SHC3: variants seen among roughly 807,000 people sequenced by gnomAD.
The protein encoded by SHC3 is SHC-transforming protein 3.
A neutral mutation model predicts 60.4 loss-of-function variants in SHC3; 15 were observed. That is an observed-to-expected ratio of 0.25 (90% CI 0.17 to 0.38). The LOEUF (loss-of-function observed/expected upper bound fraction) is 0.38, where lower values mean the gene tolerates loss of function less well. Among genes scored for constraint, SHC3 ranks in the 10% least tolerant of loss-of-function variants. The probability of loss-of-function intolerance (pLI) is 1.00; values close to 1 mark genes in which losing one functional copy is unlikely to be tolerated. For missense variants in SHC3, 677 were observed against 786.1 expected (o/e 0.86, Z 1.66); for synonymous variants, 294 against 325.9 (o/e 0.90, Z 1.05).
At chr9:89,078,785 C>A (rs1825401707) in intron 2 of SHC3, among the ~76,000 whole-genome samples, 1 of 152,126 alleles carries the variant, frequency 6.6e-6, no homozygotes, top group African/African-American at 2.4e-5. Flanking sequence ...CAGAAAGGAG[C>A]TGGTGACCCT....
chr9:89,084,386 G>C (rs1479724228), intron 2 of SHC3, among the ~76,000 whole-genome samples: 3 of 152,158 alleles, frequency 2.0e-5, no homozygotes, highest in Admixed American at 2.0e-4. Context: ...CCCAAATAAT[G>C]AAACTAGAAA....
intron 1 of SHC3, among the ~76,000 whole-genome samples, chr9:89,121,410 G>A (rs1225168657): frequency 2.0e-5 from 3 of 151,960 alleles, no homozygotes; most frequent in Non-Finnish European, 4.4e-5. Flanking sequence ...CCTGCCTCAG[G>A]CTCCCGAGTA....
intron 1 of SHC3, among the ~76,000 whole-genome samples, chr9:89,155,176 G>A (rs1826604751): frequency 6.6e-6 from 1 of 152,192 alleles, no homozygotes; most frequent in African/African-American, 2.4e-5. Context: ...GGTTCTCAGT[G>A]CTGTTTCTGG....
intron 10 of SHC3, among the ~76,000 whole-genome samples, chr9:89,041,533 G>A (rs1824686873): frequency 6.6e-6 from 1 of 152,198 alleles, no homozygotes; most frequent in Admixed American, 6.5e-5. Context: ...AGAAAAAAAT[G>A]AGAGCACAAG....
At chr9:89,086,352 C>A (rs886702145) in intron 2 of SHC3, among the ~76,000 whole-genome samples, 2 of 152,184 alleles carry the variant, frequency 1.3e-5, no homozygotes, top group Non-Finnish European at 2.9e-5. Context: ...CCACCACCCC[C>A]AGCTTGGGTT....
intron 11 of SHC3, among the ~76,000 whole-genome samples, chr9:89,027,880 G>A (rs1826347361): frequency 6.6e-6 from 1 of 152,120 alleles, no homozygotes; most frequent in South Asian, 2.1e-4. Context: ...TGCAACAGTG[G>A]GAAGGAGGGC....
chr9:89,072,013 G>A (rs1474287446), intron 4 of SHC3, among the ~76,000 whole-genome samples: 1 of 152,156 alleles, frequency 6.6e-6, no homozygotes, highest in Non-Finnish European at 1.5e-5. Context: ...TTCTCTTGAT[G>A]CTAAATGTTA....
At chr9:89,063,785 GGTT>G (rs1340275529) in intron 6 of SHC3, among the ~76,000 whole-genome samples, 1 of 152,214 alleles carries the variant, frequency 6.6e-6, no homozygotes, top group Non-Finnish European at 1.5e-5. Flanking sequence ...ATAATAAAAT[GGTT>G]GTTGTTAAGC....
chr9:89,054,277 G>A (rs1465551363), intron 6 of SHC3, among the ~76,000 whole-genome samples: 3 of 152,154 alleles, frequency 2.0e-5, no homozygotes, highest in Middle Eastern at 3.2e-3. Flanking sequence ...TGACTAACTC[G>A]GGGGCAGGCC....
chr9:89,167,062 C>T (rs1826800010), intron 1 of SHC3, among the ~76,000 whole-genome samples: 1 of 152,002 alleles, frequency 6.6e-6, no homozygotes, highest in East Asian at 1.9e-4. Flanking sequence ...ACTTTTTTGT[C>T]CTGAGAGCCA....
At chr9:89,102,885 A>G (rs1248971234) in intron 2 of SHC3, among the ~76,000 whole-genome samples, 2 of 152,218 alleles carry the variant, frequency 1.3e-5, no homozygotes, top group Non-Finnish European at 2.9e-5. Context: ...TATGATGTGC[A>G]ATGAAATCAA....
chr9:89,153,577 G>A (rs1826576811), intron 1 of SHC3, among the ~76,000 whole-genome samples: 1 of 152,234 alleles, frequency 6.6e-6, no homozygotes, highest in South Asian at 2.1e-4. Context: ...GTAAAGCTGA[G>A]AACCCTCATT....
intron 1 of SHC3, among the ~76,000 whole-genome samples, chr9:89,131,819 A>G (rs1826249494): frequency 6.6e-6 from 1 of 152,128 alleles, no homozygotes; most frequent in African/African-American, 2.4e-5. Context: ...ATAGGCAAAA[A>G]CTGGAAGCAT....
intron 2 of SHC3, among the ~76,000 whole-genome samples, chr9:89,100,856 T>C (rs188158435): frequency 1.4e-3 from 208 of 152,338 alleles, no homozygotes; most frequent in African/African-American, 3.8e-3. Flanking sequence ...TCTGTTCTTA[T>C]GCTGATTCTA....
chr9:89,086,381 G>A (rs139878890), intron 2 of SHC3, among the ~76,000 whole-genome samples: 218 of 152,300 alleles, frequency 1.4e-3, no homozygotes, highest in African/African-American at 4.9e-3. Flanking sequence ...TTGCGAGAAC[G>A]GCTCACAGAA....
At chr9:89,162,186 C>T (rs1333829781) in intron 1 of SHC3, among the ~76,000 whole-genome samples, 1 of 145,388 alleles carries the variant, frequency 6.9e-6, no homozygotes, top group Non-Finnish European at 1.5e-5. Flanking sequence ...TTTACAGATT[C>T]AATGCCATCC....
intron 3 of SHC3, 61 bp downstream of exon 3, chr9:89,077,779 G>A (rs577120507): frequency 2.8e-5 from 44 of 1,581,736 alleles, no homozygotes; most frequent in South Asian, 1.9e-4. Context: ...TGAAGATACC[G>A]AGTGGCAAAA....
chr9:89,177,133 C>G (rs907322930), intron 1 of SHC3, among the ~76,000 whole-genome samples: 11 of 152,168 alleles, frequency 7.2e-5, no homozygotes, highest in African/African-American at 2.4e-4. Flanking sequence ...AGCTGCCCAA[C>G]CGGCAGAAGG....
chr9:89,087,687 T>C lies in SHC3; in HGVS notation c.546-9784A>G, dbSNP rs140521509. Among the ~76,000 whole-genome samples the C allele has an allele frequency of 6.2e-3, 938 of 152,322 alleles. 9 individuals carry two copies. Among genetic ancestry groups the C allele is most frequent in the African/African-American group, 0.021 (881 of 41,570 alleles). On this transcript the variant is annotated intron_variant, in intron 2 of 11. Coordinates refer to ENST00000375835, the MANE Select transcript of SHC3 (RefSeq NM_016848.6). ...AGATGATATAAACCAAAAATAAAAT[T>C]CTAAGCCCACCAACCAACTGAACTG...
Sources: allele counts gnomAD v4.1 joint callset (sites outside exome capture counted in the v4.1 genomes callset), GRCh38; gene constraint gnomAD v4.1.1; transcripts MANE v1.5; gene names NCBI Gene and HGNC (gene_info 2026-07-23, HGNC 2026-07-21).